The following MAP7D2 variants were observed in gnomAD, a reference collection of about 807,000 sequenced individuals.
MAP7D2 encodes the protein MAP7 domain-containing protein 2.
Under a neutral mutation model 63.5 loss-of-function variants are expected in MAP7D2, and 33 were observed. The observed-to-expected ratio is 0.52, with a 90% CI of 0.39 to 0.70. The LOEUF (loss-of-function observed/expected upper bound fraction) is 0.70, where lower values mean the gene tolerates loss of function less well. Among genes scored for constraint, MAP7D2 ranks in the 30% least tolerant of loss-of-function variants. The pLI is 0.00. For missense variants in MAP7D2, 626 were observed against 604.0 expected (o/e 1.04, Z -0.38); for synonymous variants, 224 against 223.7 (o/e 1.00, Z -0.01).
chrX:20,075,539 G>C (rs2065621516), intron 1 of MAP7D2, among the ~76,000 whole-genome samples: 1 of 110,945 alleles, frequency 9.0e-6, no homozygotes, highest in African/African-American at 3.3e-5. Flanking sequence ...GTTCTGACTA[G>C]GAATTGAGTG....
intron 1 of MAP7D2, among the ~76,000 whole-genome samples, chrX:20,075,008 G>A (rs934636778): frequency 3.6e-5 from 4 of 111,934 alleles, no homozygotes; most frequent in African/African-American, 9.8e-5. Flanking sequence ...AGCCAAGATC[G>A]TGCCACTGCA....
At chrX:20,083,774 A>G (rs181226554) in intron 1 of MAP7D2, among the ~76,000 whole-genome samples, 1 of 111,823 alleles carries the variant, frequency 8.9e-6, no homozygotes, top group African/African-American at 3.3e-5. Flanking sequence ...GAGACTGTGT[A>G]CCCCAGTGCT....
intron 6 of MAP7D2, among the ~76,000 whole-genome samples, chrX:20,044,932 C>T (rs772849998): frequency 9.0e-6 from 1 of 111,559 alleles, no homozygotes; most frequent in Admixed American, 9.5e-5. Flanking sequence ...CAGGAGGGTT[C>T]CCACCATTAA....
At chrX:20,094,485 TAC>T (rs1210258803) in intron 1 of MAP7D2, among the ~76,000 whole-genome samples, 411 of 22,330 alleles carry the variant, frequency 0.018, 11 homozygotes, top group African/African-American at 0.052. Flanking sequence ...AAAAAATACA[TAC>T]ATATATATAT....
chrX:20,065,991 C>T (rs1416197771), intron 1 of MAP7D2, among the ~76,000 whole-genome samples: 1 of 107,079 alleles, frequency 9.3e-6, no homozygotes. Context: ...GGTGCAATCT[C>T]GGCTCACTGC....
rs1210198635 is a variant in MAP7D2 at position 20,025,904 on chromosome X, G to A, written c.1056C>T (p.Pro352=). Residue 352 remains proline (P), a synonymous_variant, in exon 9 of 17, where the codon CCC becomes CCT. Transcript: ENST00000379643. ...YPQSPKTTKP[P]YPGSPVKYRL... The stretch of plus-strand genomic sequence containing the variant: ...GGTACTTCACAGGAGACCCTGGGTA[G>A]GGAGGTTTCGTTGTCTTTGGAGACT... 3 of 1,211,587 alleles carry A rather than the reference G, an allele frequency of 2.5e-6. No individual in the cohort carries two copies. The highest frequency in any genetic ancestry group is 3.5e-5 in the South Asian group (2 of 56,969).
intron 8 of MAP7D2, among the ~76,000 whole-genome samples, chrX:20,036,604 T>C (rs1313806815): frequency 4.7e-5 from 5 of 105,732 alleles, no homozygotes; most frequent in African/African-American, 1.7e-4. Context: ...AAAATAAAAG[T>C]TTTTTAAAAA....
At chrX:20,055,958 G>T (rs1275885057) in intron 4 of MAP7D2, 2 of 293,406 alleles carry the variant, frequency 6.8e-6, no homozygotes, top group African/African-American at 5.7e-5. Flanking sequence ...TTTCAAAAAA[G>T]AAAAAATAAA....
intron 14 of MAP7D2, 94 bp from the exon 15 acceptor site, chrX:20,012,629 G>T: frequency 1.4e-6 from 1 of 723,484 alleles, no homozygotes; most frequent in Non-Finnish European, 2.0e-6. Flanking sequence ...TTAATGCTCT[G>T]CTTCACTGAT....
chrX:20,039,779 T>C (rs1360670868), intron 8 of MAP7D2, among the ~76,000 whole-genome samples: 1 of 110,447 alleles, frequency 9.1e-6, no homozygotes, highest in African/African-American at 3.3e-5. Context: ...GGTGGGCGGA[T>C]CACAAGGTCA....
At chrX:20,047,670 G>T (rs1006640171) in intron 6 of MAP7D2, among the ~76,000 whole-genome samples, 21 of 105,423 alleles carry the variant, frequency 2.0e-4, no homozygotes, top group African/African-American at 7.3e-4. Flanking sequence ...AAAAAAATTA[G>T]CTAAGTGTGG....
At chrX:20,024,579 C>T (rs2073772873) in intron 10 of MAP7D2, among the ~76,000 whole-genome samples, 1 of 111,830 alleles carries the variant, frequency 8.9e-6, no homozygotes, top group Non-Finnish European at 1.9e-5. Context: ...AGACCAAAAC[C>T]AGAATCTTGA....
intron 1 of MAP7D2, among the ~76,000 whole-genome samples, chrX:20,080,493 G>C (rs1020975168): frequency 2.7e-5 from 3 of 111,149 alleles, no homozygotes; most frequent in African/African-American, 9.8e-5. Flanking sequence ...CATGGACAGG[G>C]CATGTAGGTC....
At chrX:20,061,119 A>G (rs1393408032) in intron 3 of MAP7D2, among the ~76,000 whole-genome samples, 2 of 48,802 alleles carry the variant, frequency 4.1e-5, no homozygotes, top group Non-Finnish European at 6.5e-5. Flanking sequence ...GAACATGACC[A>G]AAAAAAAAAA....
Position 20,116,695 on chromosome X carries a change from C to T in MAP7D2, c.130+55G>A, listed in dbSNP as rs181564597. ...CCTTTGCCCTGGGCCGCCGGGCCCGCCCCCCCACAGGAACCCGAAGCCCTC... is the reference window on the plus strand; with the variant it reads ...CCTTTGCCCTGGGCCGCCGGGCCCGTCCCCCCACAGGAACCCGAAGCCCTC... On this transcript the variant is annotated intron_variant, in intron 1 of 16. Coordinates refer to ENST00000379643, the MANE Select transcript of MAP7D2 (RefSeq NM_001168465.2). 112 of 1,103,862 alleles carry T rather than the reference C, an allele frequency of 1.0e-4. No individual in the cohort carries two copies. The African/African-American group carries it at 1.4e-3, about 14-fold the overall frequency. 91.0% of individuals were successfully genotyped at this position (1,103,862 alleles called of 1,213,427 possible). A position where few individuals can be genotyped will look rare whatever the true frequency, so the allele number is the denominator to read the frequency against.
At chrX:20,104,968 TG>T (rs1249929220) in intron 1 of MAP7D2, among the ~76,000 whole-genome samples, 1 of 112,183 alleles carries the variant, frequency 8.9e-6, no homozygotes, top group Non-Finnish European at 1.9e-5. Flanking sequence ...AGGAATCCCA[TG>T]GGGGGCTGTT....
chrX:20,058,179 C>A (rs1456009218), intron 3 of MAP7D2, among the ~76,000 whole-genome samples: 3 of 112,581 alleles, frequency 2.7e-5, no homozygotes, highest in African/African-American at 9.7e-5. Flanking sequence ...ACGACCCTGG[C>A]CCATTAAACG....
At chrX:20,037,707 G>A (rs747938965) in intron 8 of MAP7D2, among the ~76,000 whole-genome samples, 3 of 112,034 alleles carry the variant, frequency 2.7e-5, no homozygotes, top group Non-Finnish European at 3.8e-5. Flanking sequence ...TTGGCTGGAC[G>A]GTTAGGGACT....
At chrX:20,056,194 G>C (rs1350776316) in intron 4 of MAP7D2, among the ~76,000 whole-genome samples, 2 of 112,162 alleles carry the variant, frequency 1.8e-5, no homozygotes, top group Non-Finnish European at 3.8e-5. Context: ...AGATGAGTTT[G>C]AACTGGTAAT....
Sources: gnomAD v4.1 joint callset for allele counts (sites outside exome capture counted in the v4.1 genomes callset) on GRCh38, gnomAD v4.1.1 for gene constraint, MANE v1.5 for transcripts, NCBI Gene and HGNC (gene_info 2026-07-23, HGNC 2026-07-21) for gene names.